The following KIF14 variants were observed in gnomAD, a reference collection of about 807,000 sequenced individuals.
The protein encoded by KIF14 is kinesin family member 14, also known as kinesin-like protein KIF14.
Under a neutral mutation model 176.2 loss-of-function variants are expected in KIF14, and 98 were observed. The observed-to-expected ratio is 0.56, with a 90% CI of 0.47 to 0.66. KIF14 has a LOEUF of 0.66. KIF14 is among the 30% of genes least tolerant of loss of function. The pLI is 0.00. For synonymous variants in KIF14, 566 were observed against 632.2 expected (o/e 0.90, Z 1.57); for missense variants, 1,751 against 1,920.4 (o/e 0.91, Z 1.65).
At chr1:200,564,534 T>C (rs766220291) in intron 25 of KIF14, among the ~76,000 whole-genome samples, 1 of 152,162 alleles carries the variant, frequency 6.6e-6, no homozygotes, top group Non-Finnish European at 1.5e-5. Flanking sequence ...TGATACAAGA[T>C]AAGCAGGAAA....
chr1:200,594,065 G>A (rs1229622177), intron 14 of KIF14, among the ~76,000 whole-genome samples: 1 of 150,914 alleles, frequency 6.6e-6, no homozygotes, highest in Non-Finnish European at 1.5e-5. Flanking sequence ...TGAGTAGCTA[G>A]GATTACAGGC....
chr1:200,609,199 A>G (rs998859195), intron 4 of KIF14, among the ~76,000 whole-genome samples: 12 of 152,202 alleles, frequency 7.9e-5, no homozygotes, highest in Admixed American at 3.9e-4. Context: ...ATGAAAAACA[A>G]CTTCACACCC....
intron 27 of KIF14, 40 bp downstream of exon 27, chr1:200,559,287 ATAT>A (rs1656997808): frequency 1.6e-6 from 2 of 1,229,494 alleles, no homozygotes; most frequent in Non-Finnish European, 2.2e-6. Flanking sequence ...TCAACTTTAT[ATAT>A]TATTTAGTAC....
Position 200,618,393 on chromosome 1 carries a change from TTG to T in KIF14, c.329_330del (p.Thr110AsnfsTer2). The T allele has an allele frequency of 6.2e-7, 1 of 1,614,188 alleles. No homozygotes were observed. Among genetic ancestry groups the T allele is most frequent in the Non-Finnish European group, 8.5e-7 (1 of 1,180,030 alleles). On this transcript the variant is annotated frameshift_variant, in exon 2 of 30. Coordinates refer to ENST00000367350, the MANE Select transcript of KIF14 (RefSeq NM_014875.3). LOFTEE classifies it high-confidence loss of function. ...AGACGTGTTTCTGCTGTTTTTTCAG[TTG>T]TGTCTTCCAACTCACTAACAAGCAA... ...SSLLVSELED[T>X]TEKTAETRLT...
At chr1:200,597,731 T>A (rs987913542) in intron 14 of KIF14, among the ~76,000 whole-genome samples, 2 of 152,182 alleles carry the variant, frequency 1.3e-5, no homozygotes, top group African/African-American at 4.8e-5. Flanking sequence ...TTATAAGAGA[T>A]AAACTCATAC....
intron 21 of KIF14, among the ~76,000 whole-genome samples, chr1:200,577,144 T>C (rs1256413010): frequency 4.8e-5 from 3 of 62,588 alleles, no homozygotes; most frequent in African/African-American, 2.0e-4. Context: ...ATCCCGACTC[T>C]ACTAAAAATA....
At chr1:200,607,789 C>A (rs1350668094) in intron 5 of KIF14, among the ~76,000 whole-genome samples, 1 of 152,158 alleles carries the variant, frequency 6.6e-6, no homozygotes, top group East Asian at 1.9e-4. Context: ...GAAACCTCTG[C>A]CCCCGGGTTC....
intron 19 of KIF14, among the ~76,000 whole-genome samples, chr1:200,581,532 G>A (rs1447122948): frequency 6.6e-6 from 1 of 151,860 alleles, no homozygotes; most frequent in East Asian, 1.9e-4. Flanking sequence ...AAAAAGATAA[G>A]CCAAAGACAA....
At chr1:200,615,273 A>G (rs1660354830) in intron 3 of KIF14, 82 bp downstream of exon 3, 2 of 1,351,108 alleles carry the variant, frequency 1.5e-6, no homozygotes, top group East Asian at 4.6e-5. Flanking sequence ...TCAAAACTAT[A>G]TTCTTTCTAT....
chr1:200,588,806 G>C (rs532700648), intron 18 of KIF14, among the ~76,000 whole-genome samples: 1 of 152,332 alleles, frequency 6.6e-6, no homozygotes, highest in Admixed American at 6.5e-5. Flanking sequence ...CCTACTGTGA[G>C]TTCTGGAAAC....
intron 3 of KIF14, among the ~76,000 whole-genome samples, chr1:200,614,748 G>C (rs1660321789): frequency 7.6e-6 from 1 of 130,836 alleles, no homozygotes; most frequent in Admixed American, 9.0e-5. Flanking sequence ...GCTGTGGACT[G>C]TGGAAGCTCT....
At position 200,555,272 on chromosome 1, in the gene KIF14, G is replaced by C. The variant is rs1272789491; in HGVS notation, c.4428+108C>G. ...ATGCTACAATTAGACATATACAAAAGAGTTGTCTCTGGCTAAGGATAAACA... is the reference window on the plus strand; with the variant it reads ...ATGCTACAATTAGACATATACAAAACAGTTGTCTCTGGCTAAGGATAAACA... On this transcript the variant is annotated intron_variant, in intron 28 of 29. Transcript: ENST00000367350. 3 of 687,380 alleles carry C rather than the reference G, an allele frequency of 4.4e-6. No individual in the cohort carries two copies. The East Asian group carries it at 9.1e-5, about 21-fold the overall frequency. 42.6% of individuals were successfully genotyped at this position (687,380 alleles called of 1,614,324 possible). A position where few individuals can be genotyped will look rare whatever the true frequency, so the allele number is the denominator to read the frequency against.
intron 22 of KIF14, among the ~76,000 whole-genome samples, chr1:200,570,250 T>C (rs1053284575): frequency 3.3e-5 from 5 of 152,194 alleles, no homozygotes; most frequent in African/African-American, 1.2e-4. Flanking sequence ...GCTCTGGATA[T>C]TGTGGTAAAA....
intron 21 of KIF14, 122 bp from the exon 22 acceptor site, chr1:200,575,813 T>C (rs1658071703): frequency 2.2e-6 from 1 of 453,808 alleles, no homozygotes; most frequent in African/African-American, 2.0e-5. Context: ...TTATATATTA[T>C]CTGATAAGTC....
chr1:200,596,030 G>A (rs577783724), intron 14 of KIF14, among the ~76,000 whole-genome samples: 151 of 152,070 alleles, frequency 9.9e-4, no homozygotes, highest in Non-Finnish European at 1.6e-3. Flanking sequence ...CAAGGTGGGC[G>A]GATCACCTGA....
In KIF14 at chr1:200,618,895, T is replaced by C. The variant is rs963991166; in HGVS notation, c.-115-57A>G. 6 of 570,080 alleles carry C rather than the reference T, an allele frequency of 1.1e-5. No individual in the cohort carries two copies. In the East Asian group the frequency reaches 1.4e-4, roughly 14 times the overall value. 35.3% of individuals were successfully genotyped at this position (570,080 alleles called of 1,614,324 possible). A position where few individuals can be genotyped will look rare whatever the true frequency, so the allele number is the denominator to read the frequency against. On this transcript the variant is annotated intron_variant, in intron 1 of 29. Coordinates refer to ENST00000367350, the MANE Select transcript of KIF14 (RefSeq NM_014875.3). ...AGACTACAAACAAGCTTTAAAAATA[T>C]AGAGAGAACATCCCATTGTGTAAGT...
At chr1:200,584,768 C>T (rs1220822961) in intron 19 of KIF14, among the ~76,000 whole-genome samples, 3 of 152,182 alleles carry the variant, frequency 2.0e-5, no homozygotes, top group Non-Finnish European at 4.4e-5. Context: ...TAGCTGAAAG[C>T]TTTTCCTTTA....
intron 20 of KIF14, 79 bp downstream of exon 20, chr1:200,581,115 GAAAAAAA>G (rs368717102): frequency 0.058 from 16,834 of 291,280 alleles, 422 homozygotes; most frequent in Middle Eastern, 0.091. Flanking sequence ...CTCTGTCTCA[GAAAAAAA>G]AAAAAAAAAA....
At chr1:200,605,918 A>G (rs371296694) in intron 6 of KIF14, 24 bp from the exon 7 acceptor site, 2 of 1,420,770 alleles carry the variant, frequency 1.4e-6, no homozygotes, top group Non-Finnish European at 1.9e-6. Context: ...GTGAAAAGAC[A>G]AAATCAATTT....
Sources: allele counts gnomAD v4.1 joint callset (sites outside exome capture counted in the v4.1 genomes callset), GRCh38; gene constraint gnomAD v4.1.1; transcripts MANE v1.5; gene names NCBI Gene and HGNC (gene_info 2026-07-23, HGNC 2026-07-21).